PTCHD4: variants seen among roughly 807,000 people sequenced by gnomAD.
PTCHD4 encodes patched domain containing 4.
In PTCHD4, 33 loss-of-function variants were observed where a neutral mutation model predicts 58.1. The ratio of observed to expected loss-of-function variants is 0.57; its 90% confidence interval spans 0.43 to 0.76. The LOEUF is 0.76. Among genes scored for constraint, PTCHD4 ranks in the 30% least tolerant of loss-of-function variants. PTCHD4 has a pLI of 0.00. For synonymous variants in PTCHD4, 478 were observed against 409.6 expected (o/e 1.17, Z -2.02); for missense variants, 1,058 against 1,027.1 (o/e 1.03, Z -0.41).
intron 4 of PTCHD4, among the ~76,000 whole-genome samples, chr6:47,994,829 G>GT (rs1339360051): frequency 1.3e-5 from 2 of 152,210 alleles, no homozygotes; most frequent in African/African-American, 2.4e-5. Context: ...TTTGGATAGG[G>GT]TGAGGGAATA....
intron 4 of PTCHD4, among the ~76,000 whole-genome samples, chr6:47,947,475 T>G (rs990547777): frequency 6.6e-6 from 1 of 152,140 alleles, no homozygotes. Flanking sequence ...CCTCCTTTAT[T>G]ATTAATTCAT....
chr6:48,047,712 G>A (rs1033620981), intron 3 of PTCHD4, among the ~76,000 whole-genome samples: 7 of 151,778 alleles, frequency 4.6e-5, no homozygotes, highest in African/African-American at 1.4e-4. Flanking sequence ...TTTTATTAAA[G>A]AGCCCCAGAA....
chr6:47,872,656 C>T lies in PTCHD4; in HGVS notation c.*5647G>A, dbSNP rs1763747845. On this transcript the variant is annotated 3_prime_UTR_variant, in exon 5 of 5. Coordinates refer to ENST00000339488, the MANE Select transcript of PTCHD4 (RefSeq NM_001384253.1). Reference sequence around the variant, plus strand: ...ACTGGGGAAAAATAGTAGAAGCTGGCTTTCTATAATTTAAGATAGTGCAAA... The same window carrying T: ...ACTGGGGAAAAATAGTAGAAGCTGGTTTTCTATAATTTAAGATAGTGCAAA... 6.6e-6 allele frequency among the ~76,000 whole-genome samples: 1 copy of T among 151,514 alleles called. No individual in the cohort carries two copies. The highest frequency in any genetic ancestry group is 6.6e-5 in the Admixed American group (1 of 15,168).
chr6:48,035,925 T>TC, intron 3 of PTCHD4, among the ~76,000 whole-genome samples: 1 of 152,164 alleles, frequency 6.6e-6, no homozygotes, highest in East Asian at 1.9e-4. Flanking sequence ...CTTATCTCTC[T>TC]CCCCCACTGA....
At chr6:47,928,985 T>A (rs1424931816) in intron 4 of PTCHD4, among the ~76,000 whole-genome samples, 1 of 152,204 alleles carries the variant, frequency 6.6e-6, no homozygotes, top group Non-Finnish European at 1.5e-5. Flanking sequence ...TTTGAGCTGA[T>A]GCTAGCCACA....
At chr6:48,066,933 A>G (rs895890989) in intron 3 of PTCHD4, among the ~76,000 whole-genome samples, 1 of 151,736 alleles carries the variant, frequency 6.6e-6, no homozygotes, top group African/African-American at 2.4e-5. Flanking sequence ...TTTTTAATGT[A>G]TAGATGCCGA....
At chr6:48,093,944 TG>T (rs1157789280) in intron 1 of PTCHD4, among the ~76,000 whole-genome samples, 1 of 152,166 alleles carries the variant, frequency 6.6e-6, no homozygotes, top group East Asian at 1.9e-4. Flanking sequence ...TTTGAGAGCT[TG>T]CAAGAAACAA....
intron 3 of PTCHD4, among the ~76,000 whole-genome samples, chr6:48,059,432 A>G (rs552101526): frequency 1.3e-5 from 2 of 152,062 alleles, no homozygotes; most frequent in South Asian, 4.1e-4. Flanking sequence ...CAAAGTCAAG[A>G]AATACACACC....
chr6:48,017,424 G>C (rs1399147512), intron 3 of PTCHD4, among the ~76,000 whole-genome samples: 1 of 152,034 alleles, frequency 6.6e-6, no homozygotes, highest in East Asian at 1.9e-4. Context: ...CCGTGATGTA[G>C]TTCACATGTT....
At chr6:48,016,016 A>G (rs1051667853) in intron 3 of PTCHD4, among the ~76,000 whole-genome samples, 1 of 150,356 alleles carries the variant, frequency 6.7e-6, no homozygotes, top group African/African-American at 2.4e-5. Context: ...TAGAAATTTG[A>G]GGCTGATACA....
At chr6:48,050,637 C>T (rs332564) in intron 3 of PTCHD4, among the ~76,000 whole-genome samples, 130,065 of 151,982 alleles carry the variant, frequency 0.86, 55,673 homozygotes, top group Non-Finnish European at 0.87. Context: ...TTATTTGGAG[C>T]AGGTCCTGTT....
Position 47,934,494 on chromosome 6 carries a change from G to A in PTCHD4, c.899-54558C>T, listed in dbSNP as rs957823077. Among the ~76,000 whole-genome samples, 27 of 152,024 alleles carry A rather than the reference G, an allele frequency of 1.8e-4. No homozygotes were observed. The South Asian group carries it at 2.3e-3, about 13-fold the overall frequency. On this transcript the variant is annotated intron_variant, in intron 4 of 4. Transcript: ENST00000339488. ...TGCTTGCTTTCCAGCACATCTTACC[G>A]ATCTAAATCTGGTAATGTAATCTAG...
At position 47,878,159 on chromosome 6, in the gene PTCHD4, C is replaced by T; in HGVS notation, c.*144G>A. 1.6e-6 allele frequency: 1 copy of T among 634,740 alleles called. No homozygotes were observed. The highest frequency in any genetic ancestry group is 2.9e-5 in the South Asian group (1 of 34,542). 39.3% of individuals were successfully genotyped at this position (634,740 alleles called of 1,614,324 possible). A position where few individuals can be genotyped will look rare whatever the true frequency, so the allele number is the denominator to read the frequency against. Reference sequence around the variant, plus strand: ...CCCTCTTCCCCCCAAGAAGCAGGCACCTTGAAGTGTCATGAATAATGCACT... The same window carrying T: ...CCCTCTTCCCCCCAAGAAGCAGGCATCTTGAAGTGTCATGAATAATGCACT... On this transcript the variant is annotated 3_prime_UTR_variant, in exon 5 of 5. Coordinates refer to ENST00000339488, the MANE Select transcript of PTCHD4 (RefSeq NM_001384253.1).
chr6:47,927,600 T>C (rs2113898429), intron 4 of PTCHD4, among the ~76,000 whole-genome samples: 1 of 152,278 alleles, frequency 6.6e-6, no homozygotes, highest in Middle Eastern at 3.4e-3. Flanking sequence ...CTACTAAAAC[T>C]TAGGACTTGA....
chr6:48,063,455 G>A (rs112677698), intron 3 of PTCHD4, among the ~76,000 whole-genome samples: 25 of 152,112 alleles, frequency 1.6e-4, no homozygotes, highest in Non-Finnish European at 1.6e-4. Flanking sequence ...AAGGGCTGTT[G>A]TTACAGAGAA....
At chr6:48,045,760 T>A (rs1764012301) in intron 3 of PTCHD4, among the ~76,000 whole-genome samples, 1 of 151,440 alleles carries the variant, frequency 6.6e-6, no homozygotes, top group Non-Finnish European at 1.5e-5. Flanking sequence ...TTGGTCTGAT[T>A]CCAGAGATTT....
At chr6:47,958,969 C>T (rs1167336712) in intron 4 of PTCHD4, among the ~76,000 whole-genome samples, 2 of 152,120 alleles carry the variant, frequency 1.3e-5, no homozygotes, top group Admixed American at 1.3e-4. Context: ...AGAAAGAAAA[C>T]TGTTTCTAAT....
chr6:47,909,437 T>C (rs1175350508), intron 4 of PTCHD4, among the ~76,000 whole-genome samples: 1 of 152,116 alleles, frequency 6.6e-6, no homozygotes. Context: ...ATATTTAAAT[T>C]AGAGACAAAA....
At chr6:47,949,519 A>T (rs1188544338) in intron 4 of PTCHD4, among the ~76,000 whole-genome samples, 1 of 152,150 alleles carries the variant, frequency 6.6e-6, no homozygotes, top group East Asian at 1.9e-4. Context: ...ACAAGCGGGA[A>T]ATCTGCAGTA....
Sources: gnomAD v4.1 joint callset for allele counts (sites outside exome capture counted in the v4.1 genomes callset) on GRCh38, gnomAD v4.1.1 for gene constraint, MANE v1.5 for transcripts, NCBI Gene and HGNC (gene_info 2026-07-23, HGNC 2026-07-21) for gene names.